The following GPR89A variants were observed in gnomAD, a reference collection of about 807,000 sequenced individuals.
GPR89A encodes the protein golgi pH regulator A, also known as G protein-coupled receptor 89A.
A neutral mutation model predicts 52.0 loss-of-function variants in GPR89A; 16 were observed. That is an observed-to-expected ratio of 0.31 (90% CI 0.21 to 0.47). GPR89A has a LOEUF of 0.47. Ranked by LOEUF, GPR89A falls within the 20% of genes least tolerant of loss-of-function variation. The probability of loss-of-function intolerance (pLI) is 1.00; values close to 1 mark genes in which losing one functional copy is unlikely to be tolerated. For missense variants in GPR89A, 135 were observed against 449.4 expected, an observed-to-expected ratio of 0.30 and a Z score of 6.33; for synonymous variants, 55 against 150.9, an observed-to-expected ratio of 0.36 and a Z score of 4.66.
intron 10 of GPR89A, among the ~76,000 whole-genome samples, chr1:145,658,872 G>A (rs1221403072): frequency 5.9e-5 from 9 of 152,058 alleles, no homozygotes; most frequent in Non-Finnish European, 1.2e-4. Flanking sequence ...CTGCCTCCTG[G>A]GTTCAAGCGA....
At chr1:145,609,270 A>C (rs1648079761) in intron 1 of GPR89A, among the ~76,000 whole-genome samples, 1 of 152,186 alleles carries the variant, frequency 6.6e-6, no homozygotes, top group Non-Finnish European at 1.5e-5. Flanking sequence ...CTTCATCCTA[A>C]TACTCGTCTC....
intron 5 of GPR89A, among the ~76,000 whole-genome samples, chr1:145,627,276 G>C (rs1159771644): frequency 6.6e-6 from 1 of 151,698 alleles, no homozygotes; most frequent in Non-Finnish European, 1.5e-5. Flanking sequence ...TGTAATAAAA[G>C]GACAAAGACA....
intron 1 of GPR89A, among the ~76,000 whole-genome samples, chr1:145,613,851 C>T (rs1368972057): frequency 6.6e-6 from 1 of 151,750 alleles, no homozygotes; most frequent in Non-Finnish European, 1.5e-5. Context: ...CAGTGACATG[C>T]TCACAGCTCA....
intron 12 of GPR89A, among the ~76,000 whole-genome samples, chr1:145,667,665 T>G (rs1553696725): frequency 6.6e-6 from 1 of 152,070 alleles, no homozygotes; most frequent in East Asian, 1.9e-4. Context: ...GTCCTGAATG[T>G]TATTGCCTAG....
intron 1 of GPR89A, 101 bp downstream of exon 1, chr1:145,608,276 T>TC (rs1338936901): frequency 6.7e-7 from 1 of 1,497,964 alleles, no homozygotes; most frequent in African/African-American, 1.4e-5. Flanking sequence ...CTCGCTCCTC[T>TC]CTTACGCGTC....
chr1:145,641,148 G>T (rs1650629054), intron 7 of GPR89A, among the ~76,000 whole-genome samples: 1 of 151,140 alleles, frequency 6.6e-6, no homozygotes, highest in Non-Finnish European at 1.5e-5. Flanking sequence ...CCCAACAATT[G>T]CACTCCTGGG....
intron 12 of GPR89A, among the ~76,000 whole-genome samples, chr1:145,668,606 A>G (rs1437296119): frequency 3.3e-5 from 5 of 152,144 alleles, no homozygotes; most frequent in African/African-American, 9.7e-5. Context: ...TTCCAACACT[A>G]TGCTGAATAA....
intron 10 of GPR89A, among the ~76,000 whole-genome samples, chr1:145,658,759 T>C (rs1651987767): frequency 6.6e-6 from 1 of 151,792 alleles, no homozygotes; most frequent in Admixed American, 6.6e-5. Flanking sequence ...ATAATGCTGA[T>C]GTGAACATTT....
At chr1:145,610,185 T>G (rs1228369683) in intron 1 of GPR89A, among the ~76,000 whole-genome samples, 1 of 152,048 alleles carries the variant, frequency 6.6e-6, no homozygotes, top group Admixed American at 6.6e-5. Context: ...GTGGTTACCT[T>G]GGAAACACCA....
intron 7 of GPR89A, among the ~76,000 whole-genome samples, chr1:145,640,047 G>A (rs1459941889): frequency 9.2e-5 from 14 of 151,820 alleles, no homozygotes; most frequent in South Asian, 2.1e-4. Flanking sequence ...GTGAAACCCC[G>A]TCTCTACTAA....
At chr1:145,663,088 C>G (rs1652314068) in intron 10 of GPR89A, among the ~76,000 whole-genome samples, 2 of 152,130 alleles carry the variant, frequency 1.3e-5, no homozygotes, top group South Asian at 4.1e-4. Context: ...AATGCCGTAG[C>G]TTTATTCCCA....
At chr1:145,648,761 G>A (rs190948867) in intron 10 of GPR89A, among the ~76,000 whole-genome samples, 37 of 149,886 alleles carry the variant, frequency 2.5e-4, no homozygotes, top group African/African-American at 8.4e-4. Flanking sequence ...GACTACAGGC[G>A]TGAGCCATCA....
intron 7 of GPR89A, among the ~76,000 whole-genome samples, chr1:145,636,525 G>T (rs1351138019): frequency 6.6e-6 from 1 of 151,164 alleles, no homozygotes; most frequent in Admixed American, 6.6e-5. Context: ...ACGTCTTCCT[G>T]TTTGGAACAG....
chr1:145,612,653 GC>G (rs1233602975), intron 1 of GPR89A, among the ~76,000 whole-genome samples: 2 of 152,022 alleles, frequency 1.3e-5, no homozygotes, highest in Non-Finnish European at 2.9e-5. Flanking sequence ...TACTTAGAGA[GC>G]CTGTAGTATA....
chr1:145,643,232 C>A (rs1650779473), intron 7 of GPR89A, among the ~76,000 whole-genome samples: 1 of 151,846 alleles, frequency 6.6e-6, no homozygotes, highest in African/African-American at 2.4e-5. Flanking sequence ...GTGGTGTGAT[C>A]TCAGCTCACT....
chr1:145,668,410 C>T (rs1210964737), intron 12 of GPR89A, among the ~76,000 whole-genome samples: 2 of 152,114 alleles, frequency 1.3e-5, no homozygotes, highest in Non-Finnish European at 2.9e-5. Flanking sequence ...GTGATTTTTG[C>T]ACATTGATTT....
intron 5 of GPR89A, among the ~76,000 whole-genome samples, chr1:145,625,888 C>T (rs1195035288): frequency 6.6e-6 from 1 of 150,822 alleles, no homozygotes; most frequent in African/African-American, 2.5e-5. Flanking sequence ...TCAGAAAACT[C>T]CATGTTATTT....
intron 1 of GPR89A, among the ~76,000 whole-genome samples, chr1:145,611,950 T>G (rs1428507253): frequency 6.6e-6 from 1 of 152,092 alleles, no homozygotes. Context: ...TTCGTTTACC[T>G]TCATGTATAT....
rs1353436809 is a variant in GPR89A at position 145,608,094 on chromosome 1, G to C, written c.-40G>C. The C allele has an allele frequency of 2.5e-6, 4 of 1,613,138 alleles. No individual in the cohort carries two copies. Among genetic ancestry groups the C allele is most frequent in the Non-Finnish European group, 3.4e-6 (4 of 1,179,402 alleles). ...GGCCCCAGCGTGCTGTGGCCTCGGG[G>C]AGTGGGAAGTGGAGGCAGGAGCCTT... On this transcript the variant is annotated 5_prime_UTR_variant, in exon 1 of 14. Transcript: ENST00000313835.
Sources: gnomAD v4.1 joint callset for allele counts (sites outside exome capture counted in the v4.1 genomes callset) on GRCh38, gnomAD v4.1.1 for gene constraint, MANE v1.5 for transcripts, NCBI Gene and HGNC (gene_info 2026-07-23, HGNC 2026-07-21) for gene names.